SLFN12L: variants seen among roughly 807,000 people sequenced by gnomAD.
SLFN12L encodes schlafen family member 12-like.
SLFN12L carries 34 observed loss-of-function variants against 34.8 expected under a neutral mutation model. That is an observed-to-expected ratio of 0.98 (90% CI 0.74 to 1.30). The LOEUF (loss-of-function observed/expected upper bound fraction) is 1.30, where lower values mean the gene tolerates loss of function less well. Among genes scored for constraint, SLFN12L ranks in the 50% most tolerant of loss-of-function variants. SLFN12L has a pLI of 0.00. For synonymous variants in SLFN12L, 259 were observed against 247.5 expected, an observed-to-expected ratio of 1.05 and a Z score of -0.44; for missense variants, 703 against 696.2, an observed-to-expected ratio of 1.01 and a Z score of -0.11.
intron 2 of SLFN12L, chr17:35,515,261 C>G: frequency 2.2e-6 from 1 of 452,536 alleles, no homozygotes; most frequent in Non-Finnish European, 4.2e-6. Flanking sequence ...CATCCGAGCA[C>G]AGGGAGCCGC....
intron 2 of SLFN12L, among the ~76,000 whole-genome samples, chr17:35,483,936 G>T (rs1914468583): frequency 6.6e-6 from 1 of 152,208 alleles, no homozygotes; most frequent in African/African-American, 2.4e-5. Flanking sequence ...TGAGGCCCCA[G>T]ATCATTTGGA....
chr17:35,517,588 C>A (rs984754735), intron 2 of SLFN12L, among the ~76,000 whole-genome samples: 8 of 152,120 alleles, frequency 5.3e-5, no homozygotes, highest in African/African-American at 1.9e-4. Flanking sequence ...CCCATATAGC[C>A]AAGACAATCC....
In SLFN12L at chr17:35,469,297, TATATAAAATATATATATA is replaced by T. The variant is rs1913763787; in HGVS notation, c.*5608_*5625del. On this transcript the variant is annotated 3_prime_UTR_variant, in exon 5 of 5. Coordinates refer to ENST00000628453, the MANE Select transcript of SLFN12L (RefSeq NM_001363830.2). The stretch of plus-strand genomic sequence containing the variant: ...GGACCTGTTTTATATAAAATATATA[TATATAAAATATATATATA>T]TTATATATATAAATATATATATAAT... Among the ~76,000 whole-genome samples the T allele has an allele frequency of 7.2e-6, 1 of 138,250 alleles. No individual in the cohort carries two copies. The highest frequency in any genetic ancestry group is 2.8e-5 in the African/African-American group (1 of 36,192). The allele number at this position is 138,250 out of a possible 152,430, so 90.7% of individuals were successfully genotyped here.
chr17:35,529,990 T>C (rs1290316901), intron 1 of SLFN12L, among the ~76,000 whole-genome samples: 7 of 151,742 alleles, frequency 4.6e-5, no homozygotes, highest in Admixed American at 2.0e-4. Flanking sequence ...TTAATTAACT[T>C]TCTCAAAGTC....
In SLFN12L at chr17:35,525,961, C is replaced by A. The variant is rs892377729; in HGVS notation, c.-605-2992G>T. ...CCATCAGTGTGCTGTATTCAGGAGA[C>A]CCACCTCACGTGCAAAGACACACAT... On this transcript the variant is annotated intron_variant, in intron 1 of 4. Coordinates refer to ENST00000628453, the MANE Select transcript of SLFN12L (RefSeq NM_001363830.2). Among the ~76,000 whole-genome samples, 32 of 152,180 alleles carry A rather than the reference C, an allele frequency of 2.1e-4. 1 individual carries two copies. The highest frequency in any genetic ancestry group is 6.8e-3 in the Middle Eastern group (2 of 294).
chr17:35,493,190 A>G (rs1243849363), intron 2 of SLFN12L, among the ~76,000 whole-genome samples: 1 of 152,100 alleles, frequency 6.6e-6, no homozygotes, highest in Non-Finnish European at 1.5e-5. Flanking sequence ...CTCCCCTCAC[A>G]CACACTGGAC....
rs573059090 is a variant in SLFN12L, at chr17:35,492,273, G to C, written c.87-12078C>G. Among the ~76,000 whole-genome samples the C allele has an allele frequency of 1.0e-3, 152 of 152,324 alleles. 1 individual carries two copies. The highest frequency in any genetic ancestry group is 1.8e-3 in the Non-Finnish European group (125 of 68,036). ...TCCCAGAAGGAGGAGCTTGGAGCGA[G>C]TCAGTCCTGGGGCTTGCTGACATGG... On this transcript the variant is annotated intron_variant, in intron 2 of 4. Coordinates refer to ENST00000628453, the MANE Select transcript of SLFN12L (RefSeq NM_001363830.2).
chr17:35,518,093 C>T (rs1915887324), intron 2 of SLFN12L, among the ~76,000 whole-genome samples: 1 of 152,198 alleles, frequency 6.6e-6, no homozygotes, highest in Non-Finnish European at 1.5e-5. Flanking sequence ...AAACTATCAT[C>T]AGGGTGAACA....
chr17:35,479,564 A>C lies in SLFN12L; in HGVS notation c.718T>G (p.Phe240Val). The C allele has an allele frequency of 6.2e-7, 1 of 1,613,800 alleles. No individual in the cohort carries two copies. The highest frequency in any genetic ancestry group is 2.2e-5 in the East Asian group (1 of 44,888). Reference sequence around the variant, plus strand: ...ATTTCAACGTGTGTGGATTCAGTAAAGGTCAATTTTTCTTTATAACCAAGT... The same window carrying C: ...ATTTCAACGTGTGTGGATTCAGTAACGGTCAATTTTTCTTTATAACCAAGT... ...TELGYKEKLTFTESTHVEIKN... is the reference protein window; with the variant it reads ...TELGYKEKLTVTESTHVEIKN... The change falls in exon 3 of 5, where the codon TTT (phenylalanine) becomes GTT (valine). Residue 240 changes from phenylalanine to valine, a missense_variant. Phe to Val is a conservative substitution (Grantham distance 50, BLOSUM62 -1). Coordinates refer to ENST00000628453, the MANE Select transcript of SLFN12L (RefSeq NM_001363830.2).
chr17:35,492,620 G>A (rs942065141), intron 2 of SLFN12L, among the ~76,000 whole-genome samples: 3 of 152,272 alleles, frequency 2.0e-5, no homozygotes, highest in East Asian at 1.9e-4. Context: ...AGTTGGGGGC[G>A]TAGAAAATGA....
rs1197482181 is a variant in SLFN12L, at chr17:35,469,338, A to AATAT, written c.*5581_*5584dup. Among the ~76,000 whole-genome samples the AATAT allele has an allele frequency of 3.1e-5, 3 of 95,498 alleles. No homozygotes were observed. The highest frequency in any genetic ancestry group is 6.3e-4 in the East Asian group (2 of 3,152). The allele number at this position is 95,498 out of a possible 152,430, so 62.7% of individuals were successfully genotyped here. ...ATATTATATATATAAATATATATAT[A>AATAT]ATATATATATATATGTATTTCAAAC... On this transcript the variant is annotated 3_prime_UTR_variant, in exon 5 of 5. Coordinates refer to ENST00000628453, the MANE Select transcript of SLFN12L (RefSeq NM_001363830.2).
At chr17:35,498,945 G>T in intron 2 of SLFN12L, 2 of 722,010 alleles carry the variant, frequency 2.8e-6, no homozygotes, top group South Asian at 1.4e-5. Flanking sequence ...GGTCTTACAG[G>T]AGCGCATTAA....
intron 1 of SLFN12L, among the ~76,000 whole-genome samples, chr17:35,530,518 A>AAAGAAAG (rs1408212151): frequency 8.6e-5 from 3 of 34,926 alleles, no homozygotes; most frequent in Non-Finnish European, 1.5e-4. Flanking sequence ...GAAAGAAAAG[A>AAAGAAAG]AAAGAAAAGA....
rs1264751019 is a variant in SLFN12L, at chr17:35,468,663, A to G, written c.*6260T>C. Among the ~76,000 whole-genome samples, 1 of 151,824 alleles carries G rather than the reference A, an allele frequency of 6.6e-6. No homozygotes were observed. Among genetic ancestry groups the G allele is most frequent in the African/African-American group, 2.4e-5 (1 of 41,288 alleles). ...CTCCTTGCTCTCTGCCAAAACATAC[A>G]CCCCGCACTCCTATGCCTGAAGGAA... On this transcript the variant is annotated 3_prime_UTR_variant, in exon 5 of 5. Coordinates refer to ENST00000628453, the MANE Select transcript of SLFN12L (RefSeq NM_001363830.2).
Position 35,522,266 on chromosome 17 carries a change from TC to T in SLFN12L, c.86+12del. The T allele has an allele frequency of 6.2e-7, 1 of 1,613,870 alleles. No homozygotes were observed. The highest frequency in any genetic ancestry group is 8.5e-7 in the Non-Finnish European group (1 of 1,179,876). On this transcript the variant is annotated intron_variant, in intron 2 of 4. Coordinates refer to ENST00000628453, the MANE Select transcript of SLFN12L (RefSeq NM_001363830.2). Reference sequence around the variant, plus strand: ...TTAAATAATACTTAGAGACATAAGGTCCAACTGCTTACCTGATGAAATTCCT... The same window carrying T: ...TTAAATAATACTTAGAGACATAAGGTCAACTGCTTACCTGATGAAATTCCT...
chr17:35,486,343 G>T (rs937625799), intron 2 of SLFN12L, among the ~76,000 whole-genome samples: 13 of 152,096 alleles, frequency 8.5e-5, no homozygotes, highest in African/African-American at 2.9e-4. Context: ...GAACCCTTTT[G>T]GCTCACCCAC....
intron 2 of SLFN12L, among the ~76,000 whole-genome samples, chr17:35,508,924 A>G (rs1257980399): frequency 6.6e-6 from 1 of 152,234 alleles, no homozygotes; most frequent in African/African-American, 2.4e-5. Flanking sequence ...ATCTTGTAAC[A>G]GTAGACCAAA....
chr17:35,467,397 C>T lies in SLFN12L; in HGVS notation c.*7526G>A, dbSNP rs1005476006. Among the ~76,000 whole-genome samples the T allele has an allele frequency of 3.3e-5, 5 of 152,172 alleles. No homozygotes were observed. Among genetic ancestry groups the T allele is most frequent in the Admixed American group, 1.3e-4 (2 of 15,272 alleles). On this transcript the variant is annotated 3_prime_UTR_variant, in exon 5 of 5. Transcript: ENST00000628453. The stretch of plus-strand genomic sequence containing the variant: ...CTTTCCTCTTAGATACCCAAAATCA[C>T]GTGTCTATGTATATTAAGGCCACCA...
At chr17:35,503,801 C>T (rs947564806) in intron 2 of SLFN12L, among the ~76,000 whole-genome samples, 2 of 152,054 alleles carry the variant, frequency 1.3e-5, no homozygotes, top group African/African-American at 4.8e-5. Context: ...ATCATGTTCT[C>T]ATCAAAGGGT....
Sources: allele counts gnomAD v4.1 joint callset (sites outside exome capture counted in the v4.1 genomes callset), GRCh38; gene constraint gnomAD v4.1.1; transcripts MANE v1.5; gene names NCBI Gene and HGNC (gene_info 2026-07-23, HGNC 2026-07-21).